Variants in RPS6KA5 observed in about 807,000 individuals in gnomAD.
The protein encoded by RPS6KA5 is ribosomal protein S6 kinase A5, also known as ribosomal protein S6 kinase alpha-5.
RPS6KA5 carries 27 observed loss-of-function variants against 85.5 expected under a neutral mutation model. The ratio of observed to expected loss-of-function variants is 0.32; its 90% confidence interval spans 0.23 to 0.44. The LOEUF is 0.44. Among genes scored for constraint, RPS6KA5 ranks in the 20% least tolerant of loss-of-function variants. The pLI is 1.00. For synonymous variants in RPS6KA5, 334 were observed against 348.2 expected (o/e 0.96, Z 0.46); for missense variants, 811 against 980.9 (o/e 0.83, Z 2.31).
chr14:90,962,596 T>C (rs1156784092), intron 3 of RPS6KA5, among the ~76,000 whole-genome samples: 2 of 151,886 alleles, frequency 1.3e-5, no homozygotes, highest in African/African-American at 4.8e-5. Context: ...CTAGATTTTT[T>C]TTTTTTTTGA....
At chr14:90,986,183 T>C (rs1250518785) in intron 2 of RPS6KA5, among the ~76,000 whole-genome samples, 2 of 152,226 alleles carry the variant, frequency 1.3e-5, no homozygotes, top group Non-Finnish European at 2.9e-5. Flanking sequence ...AGTACTCTTA[T>C]ACATTTTAAG....
intron 12 of RPS6KA5, among the ~76,000 whole-genome samples, chr14:90,897,325 T>C (rs2034895002): frequency 6.6e-6 from 1 of 152,160 alleles, no homozygotes; most frequent in South Asian, 2.1e-4. Context: ...TGGGCCTGAT[T>C]TTGGACTTCT....
chr14:90,885,837 T>A (rs1343325189), intron 14 of RPS6KA5, among the ~76,000 whole-genome samples: 1 of 146,864 alleles, frequency 6.8e-6, no homozygotes. Context: ...CATGTAATAA[T>A]GCAACAGGTT....
At chr14:90,964,925 A>C (rs1233563826) in intron 3 of RPS6KA5, among the ~76,000 whole-genome samples, 2 of 149,574 alleles carry the variant, frequency 1.3e-5, no homozygotes, top group Non-Finnish European at 3.0e-5. Flanking sequence ...AAAAAAAAAA[A>C]AAAAAAAAAA....
At position 90,856,591 on chromosome 14, in the gene RPS6KA5, G is replaced by A. The variant is rs946509881; in HGVS notation, c.*15483C>T. On this transcript the variant is annotated 3_prime_UTR_variant, in exon 17 of 17. Transcript: ENST00000614987. ...TTGGTCAGGCTGTTCTCCAACTCCT[G>A]ACCTCAGGTGATCCACCCGTCTCGG... 1 of 152,204 alleles carries A rather than the reference G, an allele frequency of 6.6e-6. No individual in the cohort carries two copies. Among genetic ancestry groups the A allele is most frequent in the African/African-American group, 2.4e-5 (1 of 41,424 alleles). The allele number at this position is 152,204 out of a possible 1,614,324, so 9.4% of individuals were successfully genotyped here.
intron 5 of RPS6KA5, among the ~76,000 whole-genome samples, chr14:90,929,486 T>C (rs1216431892): frequency 1.3e-5 from 2 of 152,048 alleles, no homozygotes; most frequent in African/African-American, 4.8e-5. Context: ...ACATAAATAT[T>C]CCAGTTTTTA....
intron 1 of RPS6KA5, among the ~76,000 whole-genome samples, chr14:91,006,361 T>TA (rs2140617051): frequency 6.6e-6 from 1 of 152,344 alleles, no homozygotes; most frequent in East Asian, 1.9e-4. Context: ...TGAATGTTTG[T>TA]ATCCTCCAAA....
At chr14:91,035,371 T>C (rs2042354969) in intron 1 of RPS6KA5, among the ~76,000 whole-genome samples, 1 of 152,172 alleles carries the variant, frequency 6.6e-6, no homozygotes. Flanking sequence ...GGGAGGCTTA[T>C]GGGACACTAA....
At chr14:91,035,770 A>T (rs892730176) in intron 1 of RPS6KA5, among the ~76,000 whole-genome samples, 1 of 150,810 alleles carries the variant, frequency 6.6e-6, no homozygotes. Flanking sequence ...AAAGCCAAAC[A>T]GAGACACAGA....
At chr14:90,998,621 T>C (rs1335301646) in intron 2 of RPS6KA5, among the ~76,000 whole-genome samples, 1 of 152,202 alleles carries the variant, frequency 6.6e-6, no homozygotes, top group Non-Finnish European at 1.5e-5. Flanking sequence ...TATTTTGATA[T>C]TTTGAAAGCA....
At chr14:91,013,879 G>A (rs773777049) in intron 1 of RPS6KA5, among the ~76,000 whole-genome samples, 2 of 152,192 alleles carry the variant, frequency 1.3e-5, no homozygotes, top group South Asian at 4.1e-4. Flanking sequence ...GGTAGGGAAA[G>A]GGAGGAAGAC....
At chr14:90,917,519 C>T (rs2036183736) in intron 7 of RPS6KA5, among the ~76,000 whole-genome samples, 1 of 152,126 alleles carries the variant, frequency 6.6e-6, no homozygotes, top group Non-Finnish European at 1.5e-5. Flanking sequence ...ATATACTCAT[C>T]ACCTTCCAAA....
rs559863309 is a variant in RPS6KA5 at position 90,872,146 on chromosome 14, T to C, written c.2337A>G (p.Thr779=). Residue 779 remains threonine, a synonymous_variant, in exon 17 of 17, where the codon ACA becomes ACG. Coordinates refer to ENST00000614987, the MANE Select transcript of RPS6KA5 (RefSeq NM_004755.4). ...TGTCGGCAGGATTGCTGGGCTGCAG[T>C]GTCTTGGTGGGTGTAGTTTTACCGT... is the stretch of plus-strand genomic sequence containing the variant. ...HSHGKTTPTK[T]LQPSNPADSN... is the part of the protein sequence containing the mutation. The C allele has an allele frequency of 1.9e-6, 3 of 1,613,780 alleles. No individual in the cohort carries two copies. In the African/African-American group the frequency reaches 4.0e-5, roughly 22 times the overall value.
At chr14:91,011,335 AATT>A (rs960413070) in intron 1 of RPS6KA5, among the ~76,000 whole-genome samples, 1 of 151,982 alleles carries the variant, frequency 6.6e-6, no homozygotes, top group African/African-American at 2.4e-5. Flanking sequence ...AAAACACAAA[AATT>A]AGTCAGGTGT....
chr14:90,978,942 C>CAT (rs898404156), intron 2 of RPS6KA5, among the ~76,000 whole-genome samples: 10 of 152,012 alleles, frequency 6.6e-5, no homozygotes, highest in African/African-American at 2.2e-4. Context: ...ATAAGAATTT[C>CAT]ATATATATAT....
At chr14:90,883,588 G>A (rs1056382100) in intron 14 of RPS6KA5, among the ~76,000 whole-genome samples, 2 of 151,948 alleles carry the variant, frequency 1.3e-5, no homozygotes, top group Admixed American at 6.6e-5. Flanking sequence ...TAACACAGTT[G>A]TTTTAAGTCT....
At chr14:91,007,036 C>G (rs559479738) in intron 1 of RPS6KA5, among the ~76,000 whole-genome samples, 3 of 152,300 alleles carry the variant, frequency 2.0e-5, no homozygotes, top group African/African-American at 7.2e-5. Context: ...GTTTGCACAA[C>G]TCTTATTAAA....
chr14:90,900,685 T>A lies in RPS6KA5; in HGVS notation c.1171A>T (p.Ile391Leu), dbSNP rs2035114736. The A allele has an allele frequency of 6.2e-7, 1 of 1,613,822 alleles. No homozygotes were observed. The highest frequency in any genetic ancestry group is 8.5e-7 in the Non-Finnish European group (1 of 1,179,878). ...CCCATGTGAAACTGAAGAGGGTCTA[T>A]GACAGCTGCATTACGCTTGAATAGG... Reference protein sequence around the residue: ...SILFKRNAAVIDPLQFHMGVE... With the variant: ...SILFKRNAAVLDPLQFHMGVE... The change falls in exon 10 of 17, where the codon ATA (isoleucine) becomes TTA (leucine). Residue 391 changes from isoleucine to leucine, a missense_variant. Around this residue, in one of 3 missense-constraint regions of RPS6KA5, gnomAD observed 650 missense variants for 793.4 expected, o/e 0.82. Coordinates refer to ENST00000614987, the MANE Select transcript of RPS6KA5 (RefSeq NM_004755.4).
At position 90,872,071 on chromosome 14, in the gene RPS6KA5, T is replaced by G; in HGVS notation, c.*3A>C. On this transcript the variant is annotated 3_prime_UTR_variant, in exon 17 of 17. Transcript: ENST00000614987. ...ATGGATCACTGATACACTCCTACCATGCCTAAGCTACTGAGTCCGAGAACT... is the reference window on the plus strand; with the variant it reads ...ATGGATCACTGATACACTCCTACCAGGCCTAAGCTACTGAGTCCGAGAACT... The G allele has an allele frequency of 6.2e-7, 1 of 1,611,006 alleles. No individual in the cohort carries two copies. Among genetic ancestry groups the G allele is most frequent in the Admixed American group, 1.7e-5 (1 of 59,474 alleles).
Sources: allele counts gnomAD v4.1 joint callset (sites outside exome capture counted in the v4.1 genomes callset), GRCh38; gene constraint gnomAD v4.1.1; regional missense constraint gnomAD v4.1.1; transcripts MANE v1.5; gene names NCBI Gene and HGNC (gene_info 2026-07-23, HGNC 2026-07-21).